RASAL2: variants seen among roughly 807,000 people sequenced by gnomAD.
RASAL2 encodes the protein ras GTPase-activating protein nGAP.
RASAL2 carries 58 observed loss-of-function variants against 128.9 expected under a neutral mutation model. That is an observed-to-expected ratio of 0.45 (90% CI 0.36 to 0.56). The LOEUF (loss-of-function observed/expected upper bound fraction) is 0.56. Ranked by LOEUF, RASAL2 falls within the 20% of genes least tolerant of loss-of-function variation. The pLI is 0.00. For synonymous variants in RASAL2, 561 were observed against 580.8 expected, an observed-to-expected ratio of 0.97 and a Z score of 0.49; for missense variants, 1,360 against 1,601.6, an observed-to-expected ratio of 0.85 and a Z score of 2.57.
intron 1 of RASAL2, among the ~76,000 whole-genome samples, chr1:178,249,651 C>G (rs1558141282): frequency 2.6e-5 from 4 of 152,106 alleles, no homozygotes; most frequent in African/African-American, 9.7e-5. Flanking sequence ...CATTTTTGCT[C>G]TGGTTTTTCC....
intron 1 of RASAL2, among the ~76,000 whole-genome samples, chr1:178,257,423 ATGTGTGTGTG>A (rs71108037): frequency 2.7e-5 from 4 of 147,150 alleles, no homozygotes; most frequent in Non-Finnish European, 6.0e-5. Context: ...GCTCAGGGAT[ATGTGTGTGTG>A]TGTGTGTGTG....
At chr1:178,147,128 A>G (rs1017101862) in intron 1 of RASAL2, among the ~76,000 whole-genome samples, 2 of 152,080 alleles carry the variant, frequency 1.3e-5, no homozygotes, top group African/African-American at 4.8e-5. Context: ...TTTTATTTTG[A>G]ACTTTTATAT....
At position 178,162,289 on chromosome 1, in the gene RASAL2, T is replaced by TTATATATATA. The variant is rs554582730; in HGVS notation, c.202+67606_202+67615dup. On this transcript the variant is annotated intron_variant, in intron 1 of 17. Transcript: ENST00000367649. ...CTAATTGTTGATTTATAAGATTTCT[T>TTATATATATA]TATATATATATATATATATAATGTA... is the stretch of plus-strand genomic sequence containing the variant. Among the ~76,000 whole-genome samples, 652 of 122,290 alleles carry TTATATATATA rather than the reference T, an allele frequency of 5.3e-3. 7 individuals are homozygous for TTATATATATA. The highest frequency in any genetic ancestry group is 0.02 in the African/African-American group (613 of 30,784). The allele number at this position is 122,290 out of a possible 152,430, so 80.2% of individuals were successfully genotyped here.
At chr1:178,395,795 ATT>A (rs1161526899) in intron 4 of RASAL2, among the ~76,000 whole-genome samples, 16 of 145,540 alleles carry the variant, frequency 1.1e-4, no homozygotes, top group Middle Eastern at 3.6e-3. Context: ...ATATATATTT[ATT>A]TATTCATATG....
intron 3 of RASAL2, among the ~76,000 whole-genome samples, chr1:178,362,674 TTGTTGC>T (rs948207885): frequency 1.6e-4 from 24 of 152,300 alleles, no homozygotes; most frequent in African/African-American, 5.5e-4. Context: ...ATTCTGCTCT[TTGTTGC>T]TATCTGTGTA....
intron 4 of RASAL2, among the ~76,000 whole-genome samples, chr1:178,400,341 C>G (rs1347700631): frequency 6.6e-6 from 1 of 152,188 alleles, no homozygotes; most frequent in African/African-American, 2.4e-5. Context: ...CCCAGGAAGT[C>G]TACCTTCCAT....
At chr1:178,147,303 A>G (rs1411307837) in intron 1 of RASAL2, among the ~76,000 whole-genome samples, 1 of 151,998 alleles carries the variant, frequency 6.6e-6, no homozygotes, top group Non-Finnish European at 1.5e-5. Context: ...ATCCTGGGCA[A>G]CATGGCGGAA....
chr1:178,118,576 T>A (rs1204693617), intron 1 of RASAL2, among the ~76,000 whole-genome samples: 1 of 152,196 alleles, frequency 6.6e-6, no homozygotes, highest in Admixed American at 6.5e-5. Flanking sequence ...AGTTTGGGGA[T>A]CTTTTGTGGT....
chr1:178,106,802 A>G (rs1659106169), intron 1 of RASAL2, among the ~76,000 whole-genome samples: 1 of 152,198 alleles, frequency 6.6e-6, no homozygotes. Flanking sequence ...TTCAACCAAA[A>G]TAAGCTTAAG....
At chr1:178,132,562 T>C (rs1205353361) in intron 1 of RASAL2, among the ~76,000 whole-genome samples, 1 of 152,162 alleles carries the variant, frequency 6.6e-6, no homozygotes, top group East Asian at 1.9e-4. Context: ...AAAGTAGTTA[T>C]TAGGTTGGTG....
At chr1:178,470,722 A>T in intron 17 of RASAL2, 1 of 1,365,916 alleles carries the variant, frequency 7.3e-7, no homozygotes, top group Non-Finnish European at 9.8e-7. Context: ...TTATTCAAAC[A>T]GGCAAGTAAA....
chr1:178,341,450 C>T, intron 3 of RASAL2: 4 of 1,470,812 alleles, frequency 2.7e-6, no homozygotes, highest in Non-Finnish European at 2.7e-6. Context: ...GGCTTTTCTG[C>T]ATTCCAAACT....
intron 13 of RASAL2, among the ~76,000 whole-genome samples, chr1:178,457,107 C>G (rs371283644): frequency 6.6e-6 from 1 of 152,236 alleles, no homozygotes; most frequent in Non-Finnish European, 1.5e-5. Flanking sequence ...TAGAGAGTTA[C>G]AATATATTCC....
chr1:178,452,725 G>T (rs1427921299), intron 11 of RASAL2, 73 bp downstream of exon 11: 3 of 1,232,080 alleles, frequency 2.4e-6, no homozygotes, highest in South Asian at 2.6e-5. Flanking sequence ...TTGGATGAGG[G>T]TTGGGAGCCT....
At chr1:178,103,819 T>C (rs927304057) in intron 1 of RASAL2, among the ~76,000 whole-genome samples, 4 of 152,140 alleles carry the variant, frequency 2.6e-5, no homozygotes, top group East Asian at 1.9e-4. Context: ...ATTTTTCTTA[T>C]GGTATTCCCC....
intron 1 of RASAL2, among the ~76,000 whole-genome samples, chr1:178,159,955 A>G (rs1229726230): frequency 6.6e-6 from 1 of 152,138 alleles, no homozygotes; most frequent in Non-Finnish European, 1.5e-5. Flanking sequence ...AGTGTGTCCA[A>G]AGCAAAAATC....
intron 1 of RASAL2, among the ~76,000 whole-genome samples, chr1:178,196,442 T>G (rs1318821646): frequency 6.6e-6 from 1 of 152,220 alleles, no homozygotes; most frequent in African/African-American, 2.4e-5. Flanking sequence ...TCTGTATCCA[T>G]GGGTTCCTCA....
chr1:178,225,685 A>G (rs1022026385), intron 1 of RASAL2, among the ~76,000 whole-genome samples: 6 of 150,618 alleles, frequency 4.0e-5, no homozygotes, highest in Admixed American at 6.7e-5. Context: ...GTATGTATAT[A>G]TATGTACTAT....
intron 1 of RASAL2, among the ~76,000 whole-genome samples, chr1:178,239,643 A>G (rs912680233): frequency 1.3e-5 from 2 of 152,104 alleles, no homozygotes; most frequent in Admixed American, 1.3e-4. Context: ...AAGTGGTTAG[A>G]CATTACTCTC....
Sources: gnomAD v4.1 joint callset for allele counts (sites outside exome capture counted in the v4.1 genomes callset) on GRCh38, gnomAD v4.1.1 for gene constraint, MANE v1.5 for transcripts, NCBI Gene and HGNC (gene_info 2026-07-23, HGNC 2026-07-21) for gene names.